The following CTNNBL1 variants were observed in gnomAD, a reference collection of about 807,000 sequenced individuals.
CTNNBL1 encodes beta-catenin-like protein 1.
CTNNBL1 carries 31 observed loss-of-function variants against 72.7 expected under a neutral mutation model. That is an observed-to-expected ratio of 0.43 (90% confidence interval 0.32 to 0.58). CTNNBL1 has a LOEUF of 0.58. Ranked by LOEUF, CTNNBL1 falls within the 20% of genes least tolerant of loss-of-function variation. CTNNBL1 has a pLI of 0.08. For missense variants in CTNNBL1, 534 were observed against 725.1 expected, an observed-to-expected ratio of 0.74 and a Z score of 3.03; for synonymous variants, 240 against 267.3, an observed-to-expected ratio of 0.90 and a Z score of 1.00.
At chr20:37,841,320 C>T (rs1040365244) in intron 12 of CTNNBL1, among the ~76,000 whole-genome samples, 2 of 152,170 alleles carry the variant, frequency 1.3e-5, no homozygotes, top group Non-Finnish European at 2.9e-5. Flanking sequence ...TTAGTAGTCA[C>T]GTCACCCTAG....
chr20:37,823,083 C>G lies in CTNNBL1; in HGVS notation c.1214-17019C>G, dbSNP rs905600192. On this transcript the variant is annotated intron_variant, in intron 11 of 15. Coordinates refer to ENST00000361383, the MANE Select transcript of CTNNBL1 (RefSeq NM_030877.5). The stretch of plus-strand genomic sequence containing the variant: ...GTTAATAAAACAGCATGGACTCATT[C>G]TTCACAAATGCCATATGTTCTTTAG... 3.3e-5 allele frequency among the ~76,000 whole-genome samples: 5 copies of G among 152,314 alleles called. No individual in the cohort carries two copies. In the East Asian group the frequency reaches 9.6e-4, roughly 29 times the overall value.
chr20:37,701,884 A>G (rs934988285), intron 1 of CTNNBL1, among the ~76,000 whole-genome samples: 1 of 147,588 alleles, frequency 6.8e-6, no homozygotes, highest in Non-Finnish European at 1.5e-5. Context: ...GTGGCGTAAT[A>G]CATCGTACGC....
chr20:37,779,122 G>C, intron 9 of CTNNBL1, 65 bp from the exon 10 acceptor site: 3 of 1,531,516 alleles, frequency 2.0e-6, no homozygotes, highest in Admixed American at 1.7e-5. Flanking sequence ...AGGAATTGTT[G>C]GATGGAGGCT....
At chr20:37,809,504 C>CA (rs1242027861) in intron 11 of CTNNBL1, among the ~76,000 whole-genome samples, 2 of 152,310 alleles carry the variant, frequency 1.3e-5, no homozygotes, top group Non-Finnish European at 2.9e-5. Context: ...TCATTGAAAT[C>CA]ATGGCTTTAG....
chr20:37,810,339 A>G (rs903398013), intron 11 of CTNNBL1, among the ~76,000 whole-genome samples: 2 of 152,244 alleles, frequency 1.3e-5, no homozygotes, highest in African/African-American at 4.8e-5. Context: ...CTTTATAACA[A>G]CCTTCTCGCA....
intron 13 of CTNNBL1, among the ~76,000 whole-genome samples, chr20:37,850,949 A>G (rs1163639059): frequency 6.6e-6 from 1 of 152,232 alleles, no homozygotes; most frequent in Non-Finnish European, 1.5e-5. Flanking sequence ...CAGATTAGAA[A>G]TGACATCCGC....
intron 1 of CTNNBL1, among the ~76,000 whole-genome samples, chr20:37,729,252 C>T (rs1439622298): frequency 6.6e-6 from 1 of 152,138 alleles, no homozygotes; most frequent in African/African-American, 2.4e-5. Flanking sequence ...ACCAGGTTGT[C>T]TTTGCATGAG....
chr20:37,766,335 G>A lies in CTNNBL1; in HGVS notation c.658+1045G>A, dbSNP rs569968663. Among the ~76,000 whole-genome samples, 17 of 152,280 alleles carry A rather than the reference G, an allele frequency of 1.1e-4. No homozygotes were observed. In the South Asian group the frequency reaches 2.1e-3, roughly 19 times the overall value. ...GTCTACAGAGATCTATTTGCAGCTC[G>A]GTCAGCTACTAACAGCTCAGGAGAG... On this transcript the variant is annotated intron_variant, in intron 6 of 15. Transcript: ENST00000361383.
intron 1 of CTNNBL1, chr20:37,727,354 G>A: frequency 2.0e-6 from 2 of 985,110 alleles, no homozygotes; most frequent in Non-Finnish European, 2.4e-6. Context: ...AAGATTATTG[G>A]CGAGTAAAGG....
chr20:37,834,737 C>T (rs1267141011), intron 11 of CTNNBL1, among the ~76,000 whole-genome samples: 1 of 152,126 alleles, frequency 6.6e-6, no homozygotes, highest in Admixed American at 6.5e-5. Flanking sequence ...GACCTTAAGT[C>T]CGTTAATCTC....
chr20:37,781,147 CT>C (rs1482268805), intron 10 of CTNNBL1, among the ~76,000 whole-genome samples: 2 of 152,106 alleles, frequency 1.3e-5, no homozygotes, highest in Non-Finnish European at 1.5e-5. Context: ...TCTCTTGAGT[CT>C]TTTGTTTATC....
chr20:37,703,853 C>A (rs140835380), intron 1 of CTNNBL1, among the ~76,000 whole-genome samples: 2,295 of 151,814 alleles, frequency 0.015, 50 homozygotes, highest in African/African-American at 0.053. Context: ...TCTCGGCTCA[C>A]TGCAACCTCT....
At chr20:37,750,433 T>C (rs142784517) in intron 4 of CTNNBL1, 6 of 152,330 alleles carry the variant, frequency 3.9e-5, no homozygotes, top group African/African-American at 1.2e-4. Context: ...TTTTAAACAC[T>C]TTTTCCTTTA....
intron 1 of CTNNBL1, among the ~76,000 whole-genome samples, chr20:37,732,126 A>G (rs2073134121): frequency 1.3e-5 from 2 of 152,128 alleles, no homozygotes; most frequent in African/African-American, 2.4e-5. Context: ...ATGATAACTC[A>G]TTGTGATTTT....
intron 11 of CTNNBL1, among the ~76,000 whole-genome samples, chr20:37,817,478 A>C (rs577748611): frequency 5.6e-4 from 85 of 152,362 alleles, no homozygotes; most frequent in South Asian, 1.0e-3. Context: ...CAAGCTTGGC[A>C]TGAGTTTCAG....
chr20:37,700,288 C>T lies in CTNNBL1; in HGVS notation c.30+6136C>T, dbSNP rs569840250. 4.6e-5 allele frequency among the ~76,000 whole-genome samples: 7 copies of T among 152,132 alleles called. No homozygotes were observed. The South Asian group carries it at 6.2e-4, about 14-fold the overall frequency. On this transcript the variant is annotated intron_variant, in intron 1 of 15. Transcript: ENST00000361383. ...AAAATTCAGAGACTAAGATGGATGC[C>T]GTTTCTAAAATTCAGAGACTAAGCC...
intron 11 of CTNNBL1, among the ~76,000 whole-genome samples, chr20:37,818,179 G>T (rs1398615279): frequency 2.0e-5 from 3 of 152,170 alleles, no homozygotes; most frequent in Non-Finnish European, 4.4e-5. Flanking sequence ...GACAATACCT[G>T]TTGAACACTT....
At position 37,746,501 on chromosome 20, in the gene CTNNBL1, C is replaced by A. The variant is rs771048620; in HGVS notation, c.360C>A (p.Ile120=). 3 of 1,614,056 alleles carry A rather than the reference C, an allele frequency of 1.9e-6. No homozygotes were observed. Among genetic ancestry groups the A allele is most frequent in the South Asian group, 2.2e-5 (2 of 91,082 alleles). The part of the protein sequence containing the change: ...FMESELDLND[I]IQEMHVVATM... The stretch of plus-strand genomic sequence containing the variant: ...AATCCGAGCTGGACCTAAATGACAT[C>A]ATTCAGGAGATGCACGTGGTGGCCA... Residue 120 remains isoleucine, a synonymous_variant, in exon 4 of 16, where the codon ATC becomes ATA. Coordinates refer to ENST00000361383, the MANE Select transcript of CTNNBL1 (RefSeq NM_030877.5).
chr20:37,804,524 T>C (rs2071935549), intron 11 of CTNNBL1, among the ~76,000 whole-genome samples: 1 of 152,200 alleles, frequency 6.6e-6, no homozygotes, highest in African/African-American at 2.4e-5. Context: ...TTTTCCTTTC[T>C]GGTCTGTAAG....
Sources: allele counts gnomAD v4.1 joint callset (sites outside exome capture counted in the v4.1 genomes callset), GRCh38; gene constraint gnomAD v4.1.1; transcripts MANE v1.5; gene names NCBI Gene and HGNC (gene_info 2026-07-23, HGNC 2026-07-21).